Variants in OR2L3 observed in about 807,000 individuals in gnomAD.
The protein encoded by OR2L3 is olfactory receptor family 2 subfamily L member 3, also known as olfactory receptor 2L3.
For missense variants in OR2L3, 369 were observed against 376.6 expected, an observed-to-expected ratio of 0.98 and a Z score of 0.17; for synonymous variants, 131 against 139.1, an observed-to-expected ratio of 0.94 and a Z score of 0.41.
chr1:248,059,399 C>A (rs1663544317), intron 1 of OR2L3, among the ~76,000 whole-genome samples: 1 of 152,098 alleles, frequency 6.6e-6, no homozygotes, highest in Non-Finnish European at 1.5e-5. Context: ...CCTCAAAATT[C>A]ATTCTTTTGA....
chr1:248,047,422 G>A (rs978791596), intron 1 of OR2L3, among the ~76,000 whole-genome samples: 6 of 152,206 alleles, frequency 3.9e-5, no homozygotes, highest in African/African-American at 1.4e-4. Flanking sequence ...GGGCATTAAA[G>A]TAAAGGTACA....
intron 1 of OR2L3, among the ~76,000 whole-genome samples, chr1:248,053,527 C>T (rs1663339129): frequency 6.6e-6 from 1 of 152,172 alleles, no homozygotes; most frequent in Admixed American, 6.5e-5. Context: ...GAGGAATTGC[C>T]ACACTGTCTT....
chr1:248,058,839 T>A (rs1208612865), intron 1 of OR2L3, among the ~76,000 whole-genome samples: 2 of 152,118 alleles, frequency 1.3e-5, no homozygotes, highest in African/African-American at 4.8e-5. Context: ...CTACTTTTTT[T>A]ATCTTTCCTA....
intron 1 of OR2L3, among the ~76,000 whole-genome samples, chr1:248,049,985 T>C (rs1340129793): frequency 1.3e-5 from 2 of 152,208 alleles, no homozygotes; most frequent in East Asian, 1.9e-4. Context: ...CTCAGTTTTG[T>C]CATCTATAAA....
rs1012810901 is a variant in OR2L3 at position 248,062,862 on chromosome 1, C to T, written c.*1242C>T. 6.6e-6 allele frequency: 1 copy of T among 152,140 alleles called. No homozygotes were observed. The highest frequency in any genetic ancestry group is 2.4e-5 in the African/African-American group (1 of 41,448). The allele number at this position is 152,140 out of a possible 1,614,324, so 9.4% of individuals were successfully genotyped here. A position where few individuals can be genotyped will look rare whatever the true frequency, so the allele number is the denominator to read the frequency against. ...ACATACACTCCGCAATTATATATTA[C>T]TATTATGTATCCATAGTAATTAAAA... is the stretch of plus-strand genomic sequence containing the variant. On this transcript the variant is annotated 3_prime_UTR_variant, in exon 2 of 2. Coordinates refer to ENST00000359959, the MANE Select transcript of OR2L3 (RefSeq NM_001004687.2).
At position 248,063,186 on chromosome 1, in the gene OR2L3, T is replaced by A. The variant is rs1663698868; in HGVS notation, c.*1566T>A. The A allele has an allele frequency of 6.6e-6, 1 of 152,250 alleles. No homozygotes were observed. 9.4% of individuals were successfully genotyped at this position (152,250 alleles called of 1,614,324 possible). Reference sequence around the variant, plus strand: ...GCATTGAATCTGTAGTTTGGTTATTTAAATAATATTAATTCTTCCAATCCA... The same window carrying A: ...GCATTGAATCTGTAGTTTGGTTATTAAAATAATATTAATTCTTCCAATCCA... On this transcript the variant is annotated 3_prime_UTR_variant, in exon 2 of 2. Transcript: ENST00000359959.
chr1:248,049,417 T>C (rs1321820946), intron 1 of OR2L3, among the ~76,000 whole-genome samples: 1 of 152,198 alleles, frequency 6.6e-6, no homozygotes, highest in Non-Finnish European at 1.5e-5. Flanking sequence ...AAATATTACG[T>C]TGAATATGTA....
At chr1:248,052,624 A>G (rs1407022342) in intron 1 of OR2L3, among the ~76,000 whole-genome samples, 1 of 152,062 alleles carries the variant, frequency 6.6e-6, no homozygotes, top group Non-Finnish European at 1.5e-5. Context: ...CCAGCTACTC[A>G]GGAGGCTAAG....
intron 1 of OR2L3, among the ~76,000 whole-genome samples, chr1:248,048,923 CT>C (rs140115140): frequency 2.4e-3 from 344 of 141,558 alleles, no homozygotes; most frequent in East Asian, 8.8e-3. Flanking sequence ...TTCTCTCTCT[CT>C]TTTTTTTTTT....
rs1421171525 is a variant in OR2L3 at position 248,061,854 on chromosome 1, T to C, written c.*234T>C. On this transcript the variant is annotated 3_prime_UTR_variant, in exon 2 of 2. Coordinates refer to ENST00000359959, the MANE Select transcript of OR2L3 (RefSeq NM_001004687.2). ...AAATTTTGAAAGCACCTACTTTTAC[T>C]AATATGTTGTCAATGAGAATTTTTG... 4 of 364,130 alleles carry C rather than the reference T, an allele frequency of 1.1e-5. No homozygotes were observed. Among genetic ancestry groups the C allele is most frequent in the Admixed American group, 4.1e-5 (1 of 24,296 alleles). 22.6% of individuals were successfully genotyped at this position (364,130 alleles called of 1,614,324 possible).
At chr1:248,053,702 T>C (rs1030445242) in intron 1 of OR2L3, among the ~76,000 whole-genome samples, 2 of 152,250 alleles carry the variant, frequency 1.3e-5, no homozygotes, top group Non-Finnish European at 2.9e-5. Context: ...ATTTCTCCAA[T>C]GATCAGTGAT....
chr1:248,049,552 A>G (rs1663188998), intron 1 of OR2L3, among the ~76,000 whole-genome samples: 1 of 152,142 alleles, frequency 6.6e-6, no homozygotes, highest in Admixed American at 6.6e-5. Flanking sequence ...TTTCTGAGAA[A>G]CCATTTTTCT....
chr1:248,060,808 T>G lies in OR2L3; in HGVS notation c.127T>G (p.Ser43Ala), dbSNP rs1240218868. 3 of 1,614,066 alleles carry G rather than the reference T, an allele frequency of 1.9e-6. No individual in the cohort carries two copies. The highest frequency in any genetic ancestry group is 2.2e-5 in the South Asian group (2 of 91,084). ...IFLMALIGNL[S>A]MILLIFLDTH... is the part of the protein sequence containing the mutation. ...CCTAATGGCTCTAATTGGAAACCTA[T>G]CCATGATTCTTCTCATCTTCTTGGA... Residue 43 changes from serine (S) to alanine (A), a missense_variant, in exon 2 of 2, where the codon TCC (serine) becomes GCC (alanine). Coordinates refer to ENST00000359959, the MANE Select transcript of OR2L3 (RefSeq NM_001004687.2).
At chr1:248,049,302 A>G (rs1663182020) in intron 1 of OR2L3, among the ~76,000 whole-genome samples, 1 of 152,168 alleles carries the variant, frequency 6.6e-6, no homozygotes, top group Middle Eastern at 3.2e-3. Flanking sequence ...TCAACTCTAA[A>G]TTGAAGGATA....
Position 248,055,381 on chromosome 1 carries a change from G to T in OR2L3, c.-21-5280G>T, listed in dbSNP as rs1377029263. ...ATGTTTGCATTGCATTGTTCATCAG[G>T]GATATTGGCACAAAGTTTTCTTTTT... On this transcript the variant is annotated intron_variant, in intron 1 of 1. Coordinates refer to ENST00000359959, the MANE Select transcript of OR2L3 (RefSeq NM_001004687.2). Among the ~76,000 whole-genome samples the T allele has an allele frequency of 2.0e-5, 3 of 152,126 alleles. No homozygotes were observed. In the East Asian group the frequency reaches 5.8e-4, roughly 29 times the overall value.
chr1:248,048,224 T>C (rs894726497), intron 1 of OR2L3, among the ~76,000 whole-genome samples: 5 of 152,180 alleles, frequency 3.3e-5, no homozygotes, highest in Non-Finnish European at 5.9e-5. Flanking sequence ...GAAGCACACA[T>C]ACACACATAT....
chr1:248,051,191 C>T (rs770760812), intron 1 of OR2L3: 2 of 152,158 alleles, frequency 1.3e-5, no homozygotes, highest in South Asian at 2.1e-4. Context: ...CCTCCAGGGT[C>T]CACCATTCCA....
intron 1 of OR2L3, among the ~76,000 whole-genome samples, chr1:248,049,497 A>G (rs374952231): frequency 6.6e-6 from 1 of 152,164 alleles, no homozygotes; most frequent in East Asian, 1.9e-4. Flanking sequence ...CCAGTAGGGA[A>G]TCTTTTACAT....
intron 1 of OR2L3, among the ~76,000 whole-genome samples, chr1:248,047,527 T>C (rs73143312): frequency 0.055 from 8,403 of 152,244 alleles, 733 homozygotes; most frequent in African/African-American, 0.19. Context: ...GGTAACCGTA[T>C]GATTAGTAGC....
Sources: gnomAD v4.1 joint callset for allele counts (sites outside exome capture counted in the v4.1 genomes callset) on GRCh38, gnomAD v4.1.1 for gene constraint, MANE v1.5 for transcripts, NCBI Gene and HGNC (gene_info 2026-07-23, HGNC 2026-07-21) for gene names.